The following PKHD1L1 variants were observed in gnomAD, a reference collection of about 807,000 sequenced individuals.
PKHD1L1 encodes the protein PKHD1 like 1.
A neutral mutation model predicts 462.9 loss-of-function variants in PKHD1L1; 434 were observed. The ratio of observed to expected loss-of-function variants is 0.94; its 90% CI spans 0.87 to 1.02. The LOEUF (loss-of-function observed/expected upper bound fraction) is 1.02, where lower values mean the gene tolerates loss of function less well. Ranked by LOEUF, PKHD1L1 falls within the 50% of genes least tolerant of loss-of-function variation. The pLI is 0.00. For missense variants in PKHD1L1, 5,202 were observed against 5,096.1 expected (o/e 1.02, Z -0.63); for synonymous variants, 1,781 against 1,750.0 (o/e 1.02, Z -0.44).
chr8:109,423,786 T>G (rs1485747977), intron 23 of PKHD1L1, among the ~76,000 whole-genome samples: 1 of 152,210 alleles, frequency 6.6e-6, no homozygotes, highest in Non-Finnish European at 1.5e-5. Flanking sequence ...ATTTGTCCTC[T>G]TCGTGCTTTA....
intron 67 of PKHD1L1, among the ~76,000 whole-genome samples, chr8:109,499,700 G>A (rs556673638): frequency 2.0e-5 from 3 of 152,254 alleles, no homozygotes; most frequent in Admixed American, 6.5e-5. Context: ...ATAAAAGTTG[G>A]TTGACTGAGA....
At chr8:109,483,512 CAT>C (rs779977476) in intron 57 of PKHD1L1, among the ~76,000 whole-genome samples, 146 of 140,314 alleles carry the variant, frequency 1.0e-3, no homozygotes, top group Non-Finnish European at 1.4e-3. Context: ...ATAAATTAGT[CAT>C]ATTATTTTAT....
chr8:109,508,517 A>G lies in PKHD1L1; in HGVS notation c.11395+253A>G, dbSNP rs191160282. ...GGAGGGGAAGAGGGATGGAGAGGAG[A>G]GCAAGAAGTAGGGGAAAAGTTATTT... On this transcript the variant is annotated intron_variant, in intron 70 of 77. Transcript: ENST00000378402. Among the ~76,000 whole-genome samples the G allele has an allele frequency of 5.3e-5, 8 of 152,208 alleles. No individual in the cohort carries two copies. The East Asian group carries it at 1.2e-3, about 22-fold the overall frequency.
intron 37 of PKHD1L1, among the ~76,000 whole-genome samples, chr8:109,444,361 CTAATAATATTCTGTTGCATGTTA>C (rs1399505274): frequency 6.6e-6 from 1 of 152,106 alleles, no homozygotes; most frequent in East Asian, 1.9e-4. Flanking sequence ...TTTTTGTGAC[CTAATAATATTCTGTTGCATGTTA>C]AGCAACCTTT....
In PKHD1L1 at chr8:109,464,640, A is replaced by T; in HGVS notation, c.7808A>T (p.Gln2603Leu). 6.2e-7 allele frequency: 1 copy of T among 1,612,634 alleles called. No individual in the cohort carries two copies. The highest frequency in any genetic ancestry group is 8.5e-7 in the Non-Finnish European group (1 of 1,179,786). Residue 2603 changes from glutamine to leucine, a missense_variant, in exon 49 of 78, where the codon CAA (glutamine) becomes CTA (leucine). Physicochemically the swap from Gln to Leu is moderately radical, Grantham distance 113 (BLOSUM62 -2). Around this residue, in one of 3 missense-constraint regions of PKHD1L1, gnomAD observed 4,497 missense variants for 4,336.8 expected, o/e 1.04. Coordinates refer to ENST00000378402, the MANE Select transcript of PKHD1L1 (RefSeq NM_177531.6). ...DGPSYDRNIC[Q>L]KRVPLGEFFN... The stretch of plus-strand genomic sequence containing the variant: ...CCATCCTATGACAGAAACATTTGTC[A>T]AAAAAGAGTTCCCCTTGGCGAATTT...
chr8:109,477,636 T>A (rs1359999085), intron 53 of PKHD1L1, among the ~76,000 whole-genome samples: 2 of 152,150 alleles, frequency 1.3e-5, no homozygotes, highest in East Asian at 3.9e-4. Flanking sequence ...AATGTTAGAT[T>A]TAGATTCTTA....
Position 109,465,071 on chromosome 8 carries a change from G to T in PKHD1L1, c.8239G>T (p.Asp2747Tyr), listed in dbSNP as rs1314940610. Residue 2747 changes from aspartate (D) to tyrosine (Y), a missense_variant, in exon 49 of 78, where the codon GAC becomes TAC. Physicochemically the swap from Asp to Tyr is radical, Grantham distance 160. Transcript: ENST00000378402. ...TVSSVHFMNF[D>Y]RPNCVALGVT... is the part of the protein sequence containing the mutation. Reference sequence around the variant, plus strand: ...CTCTTCTGTGCACTTTATGAACTTTGACCGTCCCAACTGTGTAGCTTTGGG... The same window carrying T: ...CTCTTCTGTGCACTTTATGAACTTTTACCGTCCCAACTGTGTAGCTTTGGG... The T allele has an allele frequency of 6.2e-7, 1 of 1,613,776 alleles. No individual in the cohort carries two copies. Among genetic ancestry groups the T allele is most frequent in the Admixed American group, 1.7e-5 (1 of 59,988 alleles).
At chr8:109,417,548 TC>T (rs1814243726) in intron 21 of PKHD1L1, among the ~76,000 whole-genome samples, 1 of 152,142 alleles carries the variant, frequency 6.6e-6, no homozygotes, top group African/African-American at 2.4e-5. Flanking sequence ...AACAGGTATT[TC>T]TTTTTTTCTT....
At chr8:109,381,175 A>G (rs564779427) in intron 2 of PKHD1L1, among the ~76,000 whole-genome samples, 195 bp from the exon 3 acceptor site, 1 of 152,298 alleles carries the variant, frequency 6.6e-6, no homozygotes, top group Admixed American at 6.5e-5. Flanking sequence ...CAATACTTTT[A>G]TGAGTAAATG....
At chr8:109,368,261 T>C (rs1434371297) in intron 2 of PKHD1L1, among the ~76,000 whole-genome samples, 1 of 152,210 alleles carries the variant, frequency 6.6e-6, no homozygotes, top group Non-Finnish European at 1.5e-5. Context: ...CACATTTTTG[T>C]TGAAGTGTTG....
At position 109,412,368 on chromosome 8, in the gene PKHD1L1, C is replaced by G. The variant is rs201444677; in HGVS notation, c.2189C>G (p.Pro730Arg). Residue 730 changes from proline to arginine, a missense_variant, in exon 20 of 78, where the codon CCA becomes CGA. Physicochemically the swap from Pro to Arg is moderately radical, Grantham distance 103. This residue lies in a region of PKHD1L1 where 4,497 missense variants were observed against 4,336.8 expected (regional missense o/e 1.04). Coordinates refer to ENST00000378402, the MANE Select transcript of PKHD1L1 (RefSeq NM_177531.6). Reference protein sequence around the residue: ...AVLFDSADVKPNRRPYGDILL... With the variant: ...AVLFDSADVKRNRRPYGDILL... Reference sequence around the variant, plus strand: ...CTTTTTGACTCAGCAGATGTTAAACCAAACAGACGACCATATGGAGATATT... The same window carrying G: ...CTTTTTGACTCAGCAGATGTTAAACGAAACAGACGACCATATGGAGATATT... The G allele has an allele frequency of 1.5e-5, 24 of 1,613,450 alleles. No individual in the cohort carries two copies. In the African/African-American group the frequency reaches 3.1e-4, roughly 21 times the overall value.
intron 28 of PKHD1L1, 40 bp downstream of exon 28, chr8:109,433,256 T>C: frequency 2.1e-6 from 3 of 1,446,418 alleles, no homozygotes; most frequent in Non-Finnish European, 2.9e-6. Context: ...ATTGTTCTTC[T>C]CTAAGATAAA....
intron 18 of PKHD1L1, among the ~76,000 whole-genome samples, chr8:109,408,679 G>A (rs1813687939): frequency 1.3e-5 from 2 of 152,070 alleles, no homozygotes; most frequent in Non-Finnish European, 2.9e-5. Flanking sequence ...TAAGAAATAT[G>A]GTACCCAAAT....
At chr8:109,471,515 A>G (rs1417046854) in intron 50 of PKHD1L1, among the ~76,000 whole-genome samples, 2 of 152,182 alleles carry the variant, frequency 1.3e-5, no homozygotes, top group Admixed American at 6.6e-5. Context: ...ATTCATGAGT[A>G]TTTCCAAGTA....
chr8:109,419,379 CT>C (rs769940248), intron 22 of PKHD1L1, 119 bp downstream of exon 22: 1 of 677,442 alleles, frequency 1.5e-6, no homozygotes, highest in Non-Finnish European at 2.3e-6. Context: ...TAATGAGTCA[CT>C]CTTTTATCTG....
Position 109,510,904 on chromosome 8 carries a change from A to G in PKHD1L1, c.11523A>G (p.Arg3841=). Residue 3841 remains arginine (R), a synonymous_variant, in exon 71 of 78, where the codon CGA becomes CGG. Coordinates refer to ENST00000378402, the MANE Select transcript of PKHD1L1 (RefSeq NM_177531.6). ...YFTGTSPQNL[R]LMLLNVDHNK... ...CTGGCACCAGTCCTCAGAATCTTCGACTGATGTTGCTTAATGTTGATCATA... is the reference window on the plus strand; with the variant it reads ...CTGGCACCAGTCCTCAGAATCTTCGGCTGATGTTGCTTAATGTTGATCATA... The G allele has an allele frequency of 6.2e-7, 1 of 1,613,118 alleles. No homozygotes were observed. The highest frequency in any genetic ancestry group is 1.7e-4 in the Middle Eastern group (1 of 6,048).
Position 109,475,152 on chromosome 8 carries a change from G to C in PKHD1L1, c.8640G>C (p.Leu2880=). 6.2e-7 allele frequency: 1 copy of C among 1,610,864 alleles called. No homozygotes were observed. The change falls in exon 51 of 78, where the codon CTG becomes CTC. Residue 2880 remains leucine (L), a synonymous_variant. Transcript: ENST00000378402. ...TSIIPFQKKR[L]THMSGWMALI... Reference sequence around the variant, plus strand: ...TTATTCCATTTCAGAAGAAACGACTGACTCATATGTCTGGATGGATGGCTC... The same window carrying C: ...TTATTCCATTTCAGAAGAAACGACTCACTCATATGTCTGGATGGATGGCTC...
rs1194641288 is a variant in PKHD1L1, at chr8:109,476,528, A to G, written c.8778A>G (p.Ile2926Met). The change falls in exon 52 of 78, where the codon ATA becomes ATG. Residue 2926 changes from isoleucine to methionine, a missense_variant. By Grantham distance (10) the Ile-to-Met change is conservative. This residue lies in a region of PKHD1L1 where 4,497 missense variants were observed against 4,336.8 expected (regional missense o/e 1.04). Transcript: ENST00000378402. ...YGFKEEDYVIISHNFTQNPDM... is the reference protein window; with the variant it reads ...YGFKEEDYVIMSHNFTQNPDM... ...TATAGGAAGAAGACTATGTAATTAT[A>G]TCACATAACTTCACTCAAAATCCTG... The G allele has an allele frequency of 4.0e-6, 6 of 1,499,020 alleles. No individual in the cohort carries two copies. In the African/African-American group the frequency reaches 8.3e-5, roughly 21 times the overall value. 92.9% of individuals were successfully genotyped at this position (1,499,020 alleles called of 1,614,324 possible).
Position 109,445,033 on chromosome 8 carries a change from G to C in PKHD1L1, c.5164G>C (p.Val1722Leu). Residue 1722 changes from valine to leucine, a missense_variant, in exon 38 of 78, where the codon GTG becomes CTG. Coordinates refer to ENST00000378402, the MANE Select transcript of PKHD1L1 (RefSeq NM_177531.6). ...CETSPAAQQL[V>L]DVDLLIHGVP... Reference sequence around the variant, plus strand: ...AACATCCCCTGCTGCCCAACAGCTTGTGGATGTAGATCTTCTAATACATGG... The same window carrying C: ...AACATCCCCTGCTGCCCAACAGCTTCTGGATGTAGATCTTCTAATACATGG... 6.2e-7 allele frequency: 1 copy of C among 1,613,984 alleles called. No individual in the cohort carries two copies. The highest frequency in any genetic ancestry group is 1.6e-4 in the Middle Eastern group (1 of 6,062).
Sources: allele counts gnomAD v4.1 joint callset (sites outside exome capture counted in the v4.1 genomes callset), GRCh38; gene constraint gnomAD v4.1.1; regional missense constraint gnomAD v4.1.1; transcripts MANE v1.5; gene names NCBI Gene and HGNC (gene_info 2026-07-23, HGNC 2026-07-21).